Variants in GRIK4 observed in about 807,000 individuals in gnomAD.
GRIK4 encodes glutamate ionotropic receptor kainate type subunit 4.
Under a neutral mutation model 104.9 loss-of-function variants are expected in GRIK4, and 40 were observed. The ratio of observed to expected loss-of-function variants is 0.38; its 90% confidence interval spans 0.30 to 0.50. The LOEUF is 0.50. GRIK4 is among the 20% of genes least tolerant of loss of function. The probability of loss-of-function intolerance (pLI) is 0.93; values close to 1 mark genes in which losing one functional copy is unlikely to be tolerated. For missense variants in GRIK4, 1,047 were observed against 1,308.1 expected, an observed-to-expected ratio of 0.80 and a Z score of 3.08; for synonymous variants, 485 against 524.9, an observed-to-expected ratio of 0.92 and a Z score of 1.04.
intron 1 of GRIK4, among the ~76,000 whole-genome samples, chr11:120,602,804 G>A (rs961288238): frequency 6.6e-6 from 1 of 152,156 alleles, no homozygotes; most frequent in African/African-American, 2.4e-5. Context: ...CTGGGCTCAG[G>A]CAATCCTCCC....
chr11:120,613,391 G>C (rs867125075), intron 1 of GRIK4, among the ~76,000 whole-genome samples: 3 of 152,206 alleles, frequency 2.0e-5, no homozygotes, highest in African/African-American at 7.2e-5. Flanking sequence ...GGGGCTGTCT[G>C]CTTAATTAGC....
intron 3 of GRIK4, among the ~76,000 whole-genome samples, chr11:120,801,432 G>A (rs1225673991): frequency 6.6e-6 from 1 of 152,116 alleles, no homozygotes; most frequent in Non-Finnish European, 1.5e-5. Flanking sequence ...TCACCATATT[G>A]GCCAGGCTGG....
At chr11:120,862,705 G>A (rs1352362854) in intron 9 of GRIK4, among the ~76,000 whole-genome samples, 1 of 152,022 alleles carries the variant, frequency 6.6e-6, no homozygotes, top group Non-Finnish European at 1.5e-5. Flanking sequence ...GGCCCCTTCC[G>A]GCATGTGTGA....
intron 3 of GRIK4, among the ~76,000 whole-genome samples, chr11:120,671,130 CT>C (rs1486710145): frequency 1.3e-5 from 2 of 152,120 alleles, no homozygotes; most frequent in Non-Finnish European, 2.9e-5. Flanking sequence ...GGTTCCAAGT[CT>C]TTGCTGTTGT....
At chr11:120,811,449 C>T (rs1294474897) in intron 4 of GRIK4, among the ~76,000 whole-genome samples, 2 of 152,160 alleles carry the variant, frequency 1.3e-5, no homozygotes, top group Non-Finnish European at 2.9e-5. Flanking sequence ...CTTGACTCTG[C>T]TCTTTAATTT....
intron 2 of GRIK4, among the ~76,000 whole-genome samples, chr11:120,657,966 G>A (rs988909261): frequency 2.0e-5 from 3 of 152,172 alleles, no homozygotes; most frequent in Non-Finnish European, 4.4e-5. Context: ...GAGTCCCCTC[G>A]TGTCCCCTGC....
Position 120,835,315 on chromosome 11 carries a change from G to T in GRIK4, c.691-1476G>T, listed in dbSNP as rs565236606. 2.0e-5 allele frequency among the ~76,000 whole-genome samples: 3 copies of T among 152,316 alleles called. No homozygotes were observed. The East Asian group carries it at 5.8e-4, about 29-fold the overall frequency. ...GGCCAAGGCAGGCAGATCACTTGAG[G>T]TCAAGAGTTCAAGACCAGCCTGGCC... On this transcript the variant is annotated intron_variant, in intron 7 of 20. Coordinates refer to ENST00000527524, the MANE Select transcript of GRIK4 (RefSeq NM_014619.5).
chr11:120,949,135 A>T lies in GRIK4; in HGVS notation c.1591-3720A>T, dbSNP rs1943938176. ...CCAGTATATATAGAGTGAAGTATCA[A>T]TGAGTCAACAGATTGTTTTTAAGGA... On this transcript the variant is annotated intron_variant, in intron 14 of 20. Coordinates refer to ENST00000527524, the MANE Select transcript of GRIK4 (RefSeq NM_014619.5). Among the ~76,000 whole-genome samples, 5 of 152,344 alleles carry T rather than the reference A, an allele frequency of 3.3e-5. 1 individual carries two copies. In the Middle Eastern group the frequency reaches 0.014, roughly 415 times the overall value.
At chr11:120,922,850 G>A (rs1019597226) in intron 13 of GRIK4, among the ~76,000 whole-genome samples, 2 of 152,160 alleles carry the variant, frequency 1.3e-5, no homozygotes, top group Non-Finnish European at 2.9e-5. Context: ...AGGCTGCCTC[G>A]CTTGATGCCA....
intron 1 of GRIK4, among the ~76,000 whole-genome samples, chr11:120,530,351 C>T (rs1255552014): frequency 6.6e-6 from 1 of 152,084 alleles, no homozygotes; most frequent in Non-Finnish European, 1.5e-5. Flanking sequence ...GGAGCCCAAG[C>T]TATTGCAGGC....
At chr11:120,816,023 A>G (rs566684527) in intron 5 of GRIK4, among the ~76,000 whole-genome samples, 2 of 152,202 alleles carry the variant, frequency 1.3e-5, no homozygotes, top group East Asian at 1.9e-4. Flanking sequence ...TGCTTCTTCA[A>G]GCAGCACATT....
chr11:120,895,556 T>G (rs970199442), intron 11 of GRIK4, among the ~76,000 whole-genome samples: 1 of 152,090 alleles, frequency 6.6e-6, no homozygotes. Context: ...TAGAAGCCAT[T>G]CCCCGGTTAG....
At chr11:120,898,404 C>G in intron 11 of GRIK4, 128 bp from the exon 12 acceptor site, 1 of 636,806 alleles carries the variant, frequency 1.6e-6, no homozygotes, top group South Asian at 1.9e-5. Flanking sequence ...CAGTTCAGCC[C>G]CCGGCTCCGT....
chr11:120,749,153 C>CT (rs978765256), intron 3 of GRIK4, among the ~76,000 whole-genome samples: 30 of 151,430 alleles, frequency 2.0e-4, no homozygotes, highest in Admixed American at 4.6e-4. Flanking sequence ...CCCTATAGTA[C>CT]TTTTTTTTTG....
intron 1 of GRIK4, among the ~76,000 whole-genome samples, chr11:120,653,124 T>C (rs1470463320): frequency 6.6e-6 from 1 of 152,214 alleles, no homozygotes; most frequent in Non-Finnish European, 1.5e-5. Context: ...TGACAGTATT[T>C]ATGTGTAGCT....
At chr11:120,808,541 G>A (rs1257361205) in intron 4 of GRIK4, among the ~76,000 whole-genome samples, 1 of 152,164 alleles carries the variant, frequency 6.6e-6, no homozygotes, top group Non-Finnish European at 1.5e-5. Flanking sequence ...GCGGTCTTGA[G>A]TTCTTGGACA....
At chr11:120,837,119 C>T (rs1196646673) in intron 8 of GRIK4, among the ~76,000 whole-genome samples, 2 of 152,198 alleles carry the variant, frequency 1.3e-5, no homozygotes, top group African/African-American at 2.4e-5. Context: ...CGAGCCTCCT[C>T]AGTAGGTCCA....
intron 11 of GRIK4, among the ~76,000 whole-genome samples, chr11:120,895,190 C>T (rs1320528003): frequency 6.6e-6 from 1 of 152,042 alleles, no homozygotes; most frequent in Non-Finnish European, 1.5e-5. Context: ...CTTCTTTTAG[C>T]AAGTGATTGG....
intron 4 of GRIK4, among the ~76,000 whole-genome samples, chr11:120,810,411 C>A (rs1264971072): frequency 1.3e-5 from 2 of 152,202 alleles, no homozygotes; most frequent in East Asian, 3.9e-4. Flanking sequence ...GCTGCGCTGT[C>A]TCCTAAAGGC....
Sources: allele counts gnomAD v4.1 joint callset (sites outside exome capture counted in the v4.1 genomes callset), GRCh38; gene constraint gnomAD v4.1.1; transcripts MANE v1.5; gene names NCBI Gene and HGNC (gene_info 2026-07-23, HGNC 2026-07-21).